The following TAFA1 variants were observed in gnomAD, a reference collection of about 807,000 sequenced individuals.
TAFA1 encodes TAFA chemokine like family member 1, also known as chemokine-like protein TAFA-1.
A neutral mutation model predicts 18.5 loss-of-function variants in TAFA1; 4 were observed. The ratio of observed to expected loss-of-function variants is 0.22; its 90% CI spans 0.11 to 0.49. The LOEUF (loss-of-function observed/expected upper bound fraction) is 0.49, where lower values mean the gene tolerates loss of function less well. Ranked by LOEUF, TAFA1 falls within the 20% of genes least tolerant of loss-of-function variation. The pLI, the probability that TAFA1 is intolerant of heterozygous loss-of-function variation, is 0.98. For synonymous variants in TAFA1, 56 were observed against 55.2 expected (o/e 1.01, Z -0.06); for missense variants, 147 against 169.0 (o/e 0.87, Z 0.72).
chr3:68,009,153 A>G (rs1575571308), intron 2 of TAFA1, among the ~76,000 whole-genome samples: 1 of 152,176 alleles, frequency 6.6e-6, no homozygotes, highest in African/African-American at 2.4e-5. Flanking sequence ...TTTGTTAACC[A>G]TGTGGTACAT....
chr3:68,309,348 A>C (rs1393947717), intron 2 of TAFA1, among the ~76,000 whole-genome samples: 1 of 152,228 alleles, frequency 6.6e-6, no homozygotes. Flanking sequence ...ATAAGGAAGA[A>C]ATAAGCTATA....
intron 2 of TAFA1, among the ~76,000 whole-genome samples, chr3:68,113,323 A>G (rs1226665268): frequency 6.6e-6 from 1 of 152,228 alleles, no homozygotes; most frequent in Non-Finnish European, 1.5e-5. Flanking sequence ...GAAAGTGATG[A>G]TCTTTTCCAT....
At chr3:68,486,678 G>A (rs757470495) in intron 3 of TAFA1, among the ~76,000 whole-genome samples, 9 of 152,150 alleles carry the variant, frequency 5.9e-5, no homozygotes, top group Non-Finnish European at 8.8e-5. Context: ...TCGTAATGAC[G>A]ACCTCTGGGT....
chr3:68,471,252 C>T (rs936136744), intron 3 of TAFA1, among the ~76,000 whole-genome samples: 39 of 152,316 alleles, frequency 2.6e-4, no homozygotes, highest in Non-Finnish European at 4.6e-4. Context: ...TCATGGAGAA[C>T]CTCTGCTAGG....
chr3:68,317,599 C>T (rs1406619024), intron 2 of TAFA1, among the ~76,000 whole-genome samples: 2 of 152,140 alleles, frequency 1.3e-5, no homozygotes, highest in African/African-American at 2.4e-5. Context: ...TGTTTTGCCT[C>T]CTGTCAGGTC....
intron 2 of TAFA1, among the ~76,000 whole-genome samples, chr3:68,034,815 G>T (rs571076065): frequency 6.6e-6 from 1 of 152,150 alleles, no homozygotes; most frequent in African/African-American, 2.4e-5. Context: ...GGCTGGACAC[G>T]TGCTGGCAAA....
chr3:68,160,247 T>C (rs760385019), intron 2 of TAFA1, among the ~76,000 whole-genome samples: 2 of 152,224 alleles, frequency 1.3e-5, no homozygotes, highest in Non-Finnish European at 2.9e-5. Flanking sequence ...AAGGGACCAA[T>C]AGTAAATATT....
At chr3:68,041,168 C>T (rs137937810) in intron 2 of TAFA1, among the ~76,000 whole-genome samples, 15 of 152,288 alleles carry the variant, frequency 9.8e-5, no homozygotes, top group Admixed American at 8.5e-4. Context: ...AAGAAAAAAT[C>T]CCTTTTATTC....
intron 2 of TAFA1, among the ~76,000 whole-genome samples, chr3:68,150,541 C>T (rs1288058430): frequency 6.6e-6 from 1 of 152,042 alleles, no homozygotes; most frequent in Non-Finnish European, 1.5e-5. Context: ...GTTGGAGACT[C>T]CTTAACATGA....
At chr3:68,458,847 A>C (rs920540988) in intron 3 of TAFA1, among the ~76,000 whole-genome samples, 1 of 151,858 alleles carries the variant, frequency 6.6e-6, no homozygotes, top group Non-Finnish European at 1.5e-5. Context: ...CTGAATGTAA[A>C]TCCAGTTATA....
At chr3:68,169,588 A>G (rs2066026661) in intron 2 of TAFA1, among the ~76,000 whole-genome samples, 1 of 152,256 alleles carries the variant, frequency 6.6e-6, no homozygotes, top group African/African-American at 2.4e-5. Flanking sequence ...AAGGAAGTTC[A>G]TTACTCTGCA....
At chr3:68,135,622 C>G (rs1008598630) in intron 2 of TAFA1, among the ~76,000 whole-genome samples, 1 of 152,158 alleles carries the variant, frequency 6.6e-6, no homozygotes, top group African/African-American at 2.4e-5. Flanking sequence ...AAATACCTAG[C>G]CTTGTGCTTG....
At chr3:68,254,718 C>A (rs1015887773) in intron 2 of TAFA1, among the ~76,000 whole-genome samples, 1 of 151,946 alleles carries the variant, frequency 6.6e-6, no homozygotes, top group African/African-American at 2.4e-5. Flanking sequence ...GTAGACCTAC[C>A]ACAATTAAGT....
At chr3:68,229,483 T>G (rs2107112126) in intron 2 of TAFA1, among the ~76,000 whole-genome samples, 1 of 152,342 alleles carries the variant, frequency 6.6e-6, no homozygotes, top group South Asian at 2.1e-4. Flanking sequence ...ATAATCAAAG[T>G]AGTAGCACAA....
At chr3:68,254,047 C>G (rs7632177) in intron 2 of TAFA1, among the ~76,000 whole-genome samples, 25,470 of 151,924 alleles carry the variant, frequency 0.17, 2,616 homozygotes, top group East Asian at 0.49. Context: ...ATGCATGGAA[C>G]TCTGTGTTTC....
At chr3:68,068,151 A>G (rs1318543517) in intron 2 of TAFA1, among the ~76,000 whole-genome samples, 2 of 152,216 alleles carry the variant, frequency 1.3e-5, no homozygotes, top group Admixed American at 6.5e-5. Context: ...ATGCTAAGCA[A>G]GCACTTTTAA....
rs549986711 is a variant in TAFA1 at position 68,385,868 on chromosome 3, T to A, written c.119-31412T>A. On this transcript the variant is annotated intron_variant, in intron 2 of 4. Coordinates refer to ENST00000478136, the MANE Select transcript of TAFA1 (RefSeq NM_213609.4). ...ATGTTTTGATACATATAGCATGCAG[T>A]GAGCAAATCAGGGTAATTAGCATAT... is the stretch of plus-strand genomic sequence containing the variant. 5.3e-5 allele frequency among the ~76,000 whole-genome samples: 8 copies of A among 152,264 alleles called. No homozygotes were observed. In the South Asian group the frequency reaches 1.7e-3, roughly 32 times the overall value.
intron 2 of TAFA1, among the ~76,000 whole-genome samples, chr3:68,339,215 C>G (rs1388500): frequency 0.49 from 74,382 of 152,056 alleles, 18,681 homozygotes; most frequent in East Asian, 0.73. Flanking sequence ...TCTTCTCATG[C>G]TCACTGAAAT....
chr3:68,268,945 C>A (rs942130868), intron 2 of TAFA1, among the ~76,000 whole-genome samples: 2 of 152,130 alleles, frequency 1.3e-5, no homozygotes, highest in African/African-American at 4.8e-5. Flanking sequence ...GTAAGAATTT[C>A]TAACTAATGT....
Sources: gnomAD v4.1 joint callset for allele counts (sites outside exome capture counted in the v4.1 genomes callset) on GRCh38, gnomAD v4.1.1 for gene constraint, MANE v1.5 for transcripts, NCBI Gene and HGNC (gene_info 2026-07-23, HGNC 2026-07-21) for gene names.